NPAS3: variants seen among roughly 807,000 people sequenced by gnomAD.
NPAS3 encodes the protein neuronal PAS domain protein 3, also known as neuronal PAS domain-containing protein 3.
Under a neutral mutation model 73.1 loss-of-function variants are expected in NPAS3, and 14 were observed. The ratio of observed to expected loss-of-function variants is 0.19; its 90% CI spans 0.13 to 0.30. NPAS3 has a LOEUF of 0.30. Among genes scored for constraint, NPAS3 ranks in the 10% least tolerant of loss-of-function variants. The pLI is 1.00. For synonymous variants in NPAS3, 620 were observed against 541.5 expected (o/e 1.14, Z -2.01); for missense variants, 1,096 against 1,250.0 (o/e 0.88, Z 1.86).
chr14:33,694,267 A>G (rs2060313231), intron 6 of NPAS3, among the ~76,000 whole-genome samples: 1 of 152,204 alleles, frequency 6.6e-6, no homozygotes, highest in South Asian at 2.1e-4. Flanking sequence ...ACATTATCTA[A>G]GAAATGATAT....
At chr14:33,722,434 C>T (rs963736061) in intron 6 of NPAS3, among the ~76,000 whole-genome samples, 4 of 152,030 alleles carry the variant, frequency 2.6e-5, no homozygotes, top group Non-Finnish European at 5.9e-5. Context: ...TTTTTTATCC[C>T]CTCCACTTGG....
At chr14:33,443,959 C>T (rs2049367385) in intron 4 of NPAS3, among the ~76,000 whole-genome samples, 1 of 152,188 alleles carries the variant, frequency 6.6e-6, no homozygotes, top group Non-Finnish European at 1.5e-5. Context: ...AAATTAAAAG[C>T]ACCCACTGTG....
intron 4 of NPAS3, among the ~76,000 whole-genome samples, chr14:33,476,073 A>G (rs1322982787): frequency 6.6e-6 from 1 of 152,162 alleles, no homozygotes; most frequent in Non-Finnish European, 1.5e-5. Flanking sequence ...AGACTTGCAA[A>G]CATAACGATG....
chr14:33,010,139 A>T (rs1375801608), intron 1 of NPAS3, among the ~76,000 whole-genome samples: 1 of 152,216 alleles, frequency 6.6e-6, no homozygotes, highest in Non-Finnish European at 1.5e-5. Flanking sequence ...TCAAACAGCC[A>T]GTTTAATTAA....
chr14:33,463,912 T>A (rs1169215676), intron 4 of NPAS3, among the ~76,000 whole-genome samples: 2 of 152,192 alleles, frequency 1.3e-5, no homozygotes, highest in East Asian at 3.9e-4. Flanking sequence ...TTTTTGTGGC[T>A]TGTGGTCAGT....
chr14:33,638,146 T>C lies in NPAS3; in HGVS notation c.559-38065T>C, dbSNP rs185589094. ...GCAAAAAGTATTGGACATTTCAGCATACCAAGCACTAGTGACTGTTTGAAT... is the reference window on the plus strand; with the variant it reads ...GCAAAAAGTATTGGACATTTCAGCACACCAAGCACTAGTGACTGTTTGAAT... On this transcript the variant is annotated intron_variant, in intron 5 of 11. Coordinates refer to ENST00000356141, the Ensembl canonical transcript of NPAS3. Among the ~76,000 whole-genome samples the C allele has an allele frequency of 1.1e-3, 165 of 152,378 alleles. 1 individual carries two copies. Among genetic ancestry groups the C allele is most frequent in the African/African-American group, 3.9e-3 (161 of 41,604 alleles).
chr14:33,444,475 C>A (rs2049395482), intron 4 of NPAS3, among the ~76,000 whole-genome samples: 1 of 152,180 alleles, frequency 6.6e-6, no homozygotes. Flanking sequence ...TTTGAGTCTG[C>A]AGATTCAGAG....
At chr14:33,801,152 G>GATCTACACAATCT, downstream of NPAS3, 1 of 1,534,370 alleles carries the variant, frequency 6.5e-7, no homozygotes, top group Non-Finnish European at 8.7e-7. Context: ...GCTTGGAGGA[G>GATCTACACAATCT]GCATCGTCGG....
intron 7 of NPAS3, among the ~76,000 whole-genome samples, chr14:33,749,763 T>A (rs973606463): frequency 6.6e-6 from 1 of 151,964 alleles, no homozygotes; most frequent in African/African-American, 2.4e-5. Flanking sequence ...AGACACAGAT[T>A]GATGCAGAGC....
At chr14:33,004,518 G>A (rs1479087291) in intron 1 of NPAS3, among the ~76,000 whole-genome samples, 1 of 152,136 alleles carries the variant, frequency 6.6e-6, no homozygotes, top group Non-Finnish European at 1.5e-5. Flanking sequence ...AGTTGCCCCA[G>A]GTGAGTCAGT....
intron 2 of NPAS3, among the ~76,000 whole-genome samples, chr14:33,148,906 C>G (rs1167368061): frequency 1.3e-5 from 2 of 152,066 alleles, no homozygotes; most frequent in Non-Finnish European, 2.9e-5. Flanking sequence ...AGGCTGGTCT[C>G]AAACTCCTGG....
At chr14:33,511,729 A>G (rs1252956332) in intron 4 of NPAS3, among the ~76,000 whole-genome samples, 2 of 152,152 alleles carry the variant, frequency 1.3e-5, no homozygotes, top group East Asian at 3.9e-4. Context: ...AAGAAGGGAC[A>G]AAGAATGGAA....
intron 3 of NPAS3, among the ~76,000 whole-genome samples, chr14:33,236,671 C>T (rs577104553): frequency 6.6e-6 from 1 of 152,146 alleles, no homozygotes; most frequent in South Asian, 2.1e-4. Flanking sequence ...AAGTCAACTC[C>T]CTGTGACCTT....
chr14:33,237,881 CAT>C (rs2048090213), intron 3 of NPAS3, among the ~76,000 whole-genome samples: 1 of 151,368 alleles, frequency 6.6e-6, no homozygotes, highest in Non-Finnish European at 1.5e-5. Context: ...ATAATTATAA[CAT>C]TAAAATGAAT....
chr14:33,266,087 A>G (rs243302), intron 3 of NPAS3, among the ~76,000 whole-genome samples: 135,194 of 152,012 alleles, frequency 0.89, 60,882 homozygotes, highest in Non-Finnish European at 0.96. Flanking sequence ...CTAACATTGC[A>G]GAATTGTTAT....
intron 5 of NPAS3, among the ~76,000 whole-genome samples, chr14:33,607,811 G>A (rs1344305214): frequency 6.6e-6 from 1 of 152,214 alleles, no homozygotes; most frequent in Non-Finnish European, 1.5e-5. Flanking sequence ...GAGGCCCCAG[G>A]AAACTCAGAA....
At chr14:33,506,618 T>C (rs1313406074) in intron 4 of NPAS3, among the ~76,000 whole-genome samples, 1 of 152,092 alleles carries the variant, frequency 6.6e-6, no homozygotes, top group Non-Finnish European at 1.5e-5. Context: ...TGTATTGATA[T>C]GATTATAAGA....
intron 9 of NPAS3, among the ~76,000 whole-genome samples, chr14:33,792,581 CAAAAAA>C (rs199708187): frequency 2.0e-3 from 257 of 126,190 alleles, no homozygotes; most frequent in African/African-American, 2.7e-3. Flanking sequence ...CACCCCCCTC[CAAAAAA>C]AAAAAAAAAA....
At chr14:33,461,620 G>A (rs945512289) in intron 4 of NPAS3, among the ~76,000 whole-genome samples, 4 of 152,180 alleles carry the variant, frequency 2.6e-5, no homozygotes, top group East Asian at 1.9e-4. Flanking sequence ...TATTCCCTAC[G>A]TGACTGTTAG....
Sources: allele counts gnomAD v4.1 joint callset (sites outside exome capture counted in the v4.1 genomes callset), GRCh38; gene constraint gnomAD v4.1.1; transcripts MANE v1.5; gene names NCBI Gene and HGNC (gene_info 2026-07-23, HGNC 2026-07-21).